The following RANBP3 variants were observed in gnomAD, a reference collection of about 807,000 sequenced individuals.
RANBP3 encodes the protein ran-binding protein 3.
In RANBP3, 14 loss-of-function variants were observed where a neutral mutation model predicts 77.3. The ratio of observed to expected loss-of-function variants is 0.18; its 90% CI spans 0.12 to 0.28. The LOEUF (loss-of-function observed/expected upper bound fraction) is 0.28, where lower values mean the gene tolerates loss of function less well. Among genes scored for constraint, RANBP3 ranks in the 10% least tolerant of loss-of-function variants. The pLI, the probability that RANBP3 is intolerant of heterozygous loss-of-function variation, is 1.00. For synonymous variants in RANBP3, 315 were observed against 312.4 expected (o/e 1.01, Z -0.09); for missense variants, 586 against 752.3 (o/e 0.78, Z 2.59).
chr19:5,944,203 G>T (rs1364344902), intron 3 of RANBP3, among the ~76,000 whole-genome samples: 1 of 152,226 alleles, frequency 6.6e-6, no homozygotes, highest in Non-Finnish European at 1.5e-5. Context: ...TACGCTGGGG[G>T]CAGGGCTTTA....
chr19:5,923,764 C>T, intron 12 of RANBP3, 48 bp downstream of exon 12: 3 of 1,489,426 alleles, frequency 2.0e-6, no homozygotes, highest in Non-Finnish European at 2.8e-6. Context: ...CAGCATCCCC[C>T]AAGATGACCT....
chr19:5,945,795 G>C (rs2058196497), intron 3 of RANBP3, among the ~76,000 whole-genome samples: 1 of 152,038 alleles, frequency 6.6e-6, no homozygotes, highest in African/African-American at 2.4e-5. Flanking sequence ...CAGGTCAAGA[G>C]TGTGGCTCCG....
Position 5,958,098 on chromosome 19 carries a change from A to C in RANBP3, c.23-125T>G. 1.2e-6 allele frequency: 1 copy of C among 862,096 alleles called. No individual in the cohort carries two copies. Among genetic ancestry groups the C allele is most frequent in the Non-Finnish European group, 1.8e-6 (1 of 549,254 alleles). The allele number at this position is 862,096 out of a possible 1,614,324, so 53.4% of individuals were successfully genotyped here. A position where few individuals can be genotyped will look rare whatever the true frequency, so the allele number is the denominator to read the frequency against. ...AACTAGTAACTCCAGAGAACATCAA[A>C]TCACTTAGAACAGCGTCTTGACTCG... is the stretch of plus-strand genomic sequence containing the variant. On this transcript the variant is annotated intron_variant, in intron 1 of 16. Transcript: ENST00000340578. The surrounding 1 kb of genome is among the most constrained non-coding windows in gnomAD (Gnocchi z 4.4).
chr19:5,975,661 C>A (rs937410521), intron 1 of RANBP3, among the ~76,000 whole-genome samples: 1 of 145,088 alleles, frequency 6.9e-6, no homozygotes, highest in Admixed American at 7.3e-5. Context: ...TCTAGCATGC[C>A]GGATTGTTAA....
chr19:5,976,884 A>T (rs1235145509), intron 1 of RANBP3, among the ~76,000 whole-genome samples: 1 of 152,256 alleles, frequency 6.6e-6, no homozygotes, highest in Non-Finnish European at 1.5e-5. Flanking sequence ...ATCTGAAGCC[A>T]GGCCATCTTG....
intron 3 of RANBP3, among the ~76,000 whole-genome samples, chr19:5,944,859 G>A (rs991343752): frequency 3.3e-5 from 5 of 152,110 alleles, no homozygotes; most frequent in South Asian, 2.1e-4. Flanking sequence ...TTAATCCAAC[G>A]AGCCTTTCAA....
At chr19:5,968,905 A>G (rs1380152475) in intron 1 of RANBP3, among the ~76,000 whole-genome samples, 1 of 152,250 alleles carries the variant, frequency 6.6e-6, no homozygotes, top group East Asian at 1.9e-4. Context: ...GTGTGCAGAG[A>G]TAACTGGGTA....
intron 8 of RANBP3, among the ~76,000 whole-genome samples, chr19:5,928,838 G>A (rs1347261407): frequency 5.3e-5 from 8 of 152,200 alleles, no homozygotes; most frequent in African/African-American, 9.7e-5. Flanking sequence ...GGAGTTGCTA[G>A]TAATTTGTAT....
At chr19:5,940,889 G>C (rs1251867427) in intron 5 of RANBP3, among the ~76,000 whole-genome samples, 2 of 152,352 alleles carry the variant, frequency 1.3e-5, no homozygotes, top group Non-Finnish European at 2.9e-5. Flanking sequence ...CAGGAGGCCG[G>C]GCTTTCTGAG....
chr19:5,932,930 C>G (rs1404019224), intron 6 of RANBP3: 2 of 273,800 alleles, frequency 7.3e-6, no homozygotes, highest in South Asian at 9.5e-5. Context: ...TTTTTCAAAA[C>G]AGCCATGCTG....
intron 13 of RANBP3, 51 bp downstream of exon 13, chr19:5,923,143 C>A: frequency 1.3e-6 from 2 of 1,494,590 alleles, no homozygotes; most frequent in Non-Finnish European, 1.9e-6. Context: ...GCGGTTGGAC[C>A]CCCAGGTGCA....
intron 14 of RANBP3, among the ~76,000 whole-genome samples, chr19:5,918,890 T>TG (rs2057781097): frequency 6.6e-6 from 1 of 152,190 alleles, no homozygotes; most frequent in Non-Finnish European, 1.5e-5. Context: ...CACAGGCTGG[T>TG]GCTGCAGATC....
intron 1 of RANBP3, 78 bp downstream of exon 1, chr19:5,977,983 C>A: frequency 6.3e-7 from 1 of 1,582,812 alleles, no homozygotes; most frequent in Non-Finnish European, 8.6e-7. Context: ...CGGTGCTCCC[C>A]CCAAGGGCTT....
chr19:5,963,053 A>G (rs1228934246), intron 1 of RANBP3, among the ~76,000 whole-genome samples: 2 of 152,296 alleles, frequency 1.3e-5, no homozygotes, highest in Admixed American at 6.5e-5. Flanking sequence ...GAAGATCACC[A>G]CTGCAGATTT....
chr19:5,940,199 G>C (rs1448446182), intron 5 of RANBP3, among the ~76,000 whole-genome samples: 2 of 152,178 alleles, frequency 1.3e-5, no homozygotes, highest in Non-Finnish European at 2.9e-5. Flanking sequence ...AAGAGGGCCG[G>C]GGAGAAGAAT....
At position 5,961,531 on chromosome 19, in the gene RANBP3, G is replaced by A. The variant is rs559833288; in HGVS notation, c.23-3558C>T. 7.2e-5 allele frequency among the ~76,000 whole-genome samples: 11 copies of A among 152,138 alleles called. No individual in the cohort carries two copies. The Middle Eastern group carries it at 0.01, about 142-fold the overall frequency. On this transcript the variant is annotated intron_variant, in intron 1 of 16. Transcript: ENST00000340578. ...GAGGATCACCTGAGGTCGGGAGTTC[G>A]AGACCAGCCTGATCAACATGGAGAA...
chr19:5,936,106 G>A (rs967995368), intron 5 of RANBP3, among the ~76,000 whole-genome samples: 5 of 152,214 alleles, frequency 3.3e-5, no homozygotes, highest in African/African-American at 9.6e-5. Context: ...AGGGAGCCCC[G>A]ATTTAACCAG....
In RANBP3 at chr19:5,957,021, G is replaced by C. The variant is rs373761322; in HGVS notation, c.78+897C>G. On this transcript the variant is annotated intron_variant, in intron 2 of 16. Transcript: ENST00000340578. ...GGACTGCTGCAGCGGGTATGAGGTG[G>C]GGAGTGCCGCCGCTGGGCATCAGTG... Among the ~76,000 whole-genome samples the C allele has an allele frequency of 2.4e-3, 364 of 150,754 alleles. 1 individual carries two copies. The highest frequency in any genetic ancestry group is 7.9e-3 in the African/African-American group (328 of 41,306).
intron 1 of RANBP3, among the ~76,000 whole-genome samples, chr19:5,972,268 T>C (rs1445435115): frequency 1.3e-5 from 2 of 152,198 alleles, no homozygotes; most frequent in African/African-American, 4.8e-5. Context: ...GACAACCTCC[T>C]TAAACAAGTG....
Sources: allele counts gnomAD v4.1 joint callset (sites outside exome capture counted in the v4.1 genomes callset), GRCh38; gene constraint gnomAD v4.1.1; non-coding constraint Gnocchi (gnomAD v3.1); transcripts MANE v1.5; gene names NCBI Gene and HGNC (gene_info 2026-07-23, HGNC 2026-07-21).